Variants in DNHD1 observed in about 807,000 individuals in gnomAD.
DNHD1 encodes the protein dynein heavy chain domain 1, also known as dynein heavy chain domain-containing protein 1.
DNHD1 carries 383 observed loss-of-function variants against 458.1 expected under a neutral mutation model. The observed-to-expected ratio is 0.84, with a 90% CI of 0.77 to 0.91. DNHD1 has a LOEUF of 0.91. Ranked by LOEUF, DNHD1 falls within the 40% of genes least tolerant of loss-of-function variation. The pLI, the probability that DNHD1 is intolerant of heterozygous loss-of-function variation, is 0.00. For missense variants in DNHD1, 5,336 were observed against 5,866.1 expected, an observed-to-expected ratio of 0.91 and a Z score of 2.95; for synonymous variants, 2,203 against 2,376.9, an observed-to-expected ratio of 0.93 and a Z score of 2.13.
rs531607618 is a variant in DNHD1, at chr11:6,548,659, G to A, written c.7113G>A (p.Leu2371=). Residue 2371 remains leucine (L), a synonymous_variant, in exon 24 of 43, where the codon TTG becomes TTA. Coordinates refer to ENST00000254579, the MANE Select transcript of DNHD1 (RefSeq NM_144666.3). The surrounding 1 kb of genome is among the most constrained non-coding windows in gnomAD (Gnocchi z 4.4). Reference sequence around the variant, plus strand: ...CTGTCTTGCAGACTGAACGGCTCTTGTATGTGGTGGACCTGCTTCTGTCAG... The same window carrying A: ...CTGTCTTGCAGACTGAACGGCTCTTATATGTGGTGGACCTGCTTCTGTCAG... The part of the protein sequence containing the change: ...FHPSIQTERL[L]YVVDLLLSGG... The A allele has an allele frequency of 3.9e-6, 6 of 1,551,500 alleles. No homozygotes were observed. Among genetic ancestry groups the A allele is most frequent in the African/African-American group, 2.7e-5 (2 of 73,046 alleles).
intron 7 of DNHD1, among the ~76,000 whole-genome samples, chr11:6,514,884 C>G (rs1852425694): frequency 6.6e-6 from 1 of 152,116 alleles, no homozygotes; most frequent in African/African-American, 2.4e-5. Flanking sequence ...GCTGGGAAGT[C>G]CAAGAGCATC....
In DNHD1 at chr11:6,571,510, G is replaced by GC; in HGVS notation, c.13911+92dup. The GC allele has an allele frequency of 6.8e-7, 1 of 1,466,018 alleles. No homozygotes were observed. The highest frequency in any genetic ancestry group is 9.1e-7 in the Non-Finnish European group (1 of 1,100,352). 90.8% of individuals were successfully genotyped at this position (1,466,018 alleles called of 1,614,324 possible). A position where few individuals can be genotyped will look rare whatever the true frequency, so the allele number is the denominator to read the frequency against. ...GCAGTTACCCCTTCTTGGTGATCTTGCCCCCGGTAACCCTGCTAGCTTCTC... is the reference window on the plus strand; with the variant it reads ...GCAGTTACCCCTTCTTGGTGATCTTGCCCCCCGGTAACCCTGCTAGCTTCTC... On this transcript the variant is annotated intron_variant, in intron 42 of 42. Coordinates refer to ENST00000254579, the MANE Select transcript of DNHD1 (RefSeq NM_144666.3). This position sits in a 1 kb window ranked among gnomAD's most constrained non-coding sequence, Gnocchi z 5.0.
intron 24 of DNHD1, among the ~76,000 whole-genome samples, chr11:6,552,985 A>G (rs573979521): frequency 1.3e-5 from 2 of 152,384 alleles, no homozygotes; most frequent in African/African-American, 2.4e-5. Flanking sequence ...TCAAATATTT[A>G]GAAAAAAAGT....
At position 6,539,875 on chromosome 11, in the gene DNHD1, G is replaced by C; in HGVS notation, c.3421-1G>C. ...TGGTTCCTGAGACCCAGCTGTTCCAGGTCTGGCAGAATGAAAATGAACGAA... is the reference window on the plus strand; with the variant it reads ...TGGTTCCTGAGACCCAGCTGTTCCACGTCTGGCAGAATGAAAATGAACGAA... On this transcript the variant is annotated splice_acceptor_variant, in intron 17 of 42. Transcript: ENST00000254579. LOFTEE classifies it high-confidence loss of function. 1.3e-6 allele frequency: 2 copies of C among 1,551,710 alleles called. No individual in the cohort carries two copies. The highest frequency in any genetic ancestry group is 4.9e-5 in the East Asian group (2 of 40,920).
chr11:6,566,112 A>T, intron 33 of DNHD1, 121 bp downstream of exon 33: 1 of 1,478,444 alleles, frequency 6.8e-7, no homozygotes, highest in Non-Finnish European at 9.1e-7. Context: ...CACTAACTAT[A>T]TTGAAGCGTC....
At chr11:6,538,332 C>G (rs188129988) in intron 14 of DNHD1, 51 bp from the exon 15 acceptor site, 24 of 1,541,120 alleles carry the variant, frequency 1.6e-5, no homozygotes, top group Admixed American at 1.4e-4. Context: ...TCCACCACCC[C>G]CCTCCCAACA....
At position 6,546,439 on chromosome 11, in the gene DNHD1, C is replaced by T. The variant is rs1359685406; in HGVS notation, c.5500C>T (p.Gln1834Ter). 6.4e-7 allele frequency: 1 copy of T among 1,551,318 alleles called. No homozygotes were observed. The highest frequency in any genetic ancestry group is 8.7e-7 in the Non-Finnish European group (1 of 1,147,040). The change falls in exon 21 of 43, where the codon CAA becomes TAA. Residue 1834 changes from glutamine to a stop codon, truncating the protein, a stop_gained. Coordinates refer to ENST00000254579, the MANE Select transcript of DNHD1 (RefSeq NM_144666.3). LOFTEE classifies it high-confidence loss of function. ...GGCATTGGCATTGCCTGATCTGCGG[C>T]AAGTGGCAGAGCTGACTCTGCTGGG... ...PVALALPDLR[Q>*]VAELTLLGAG...
At chr11:6,569,654 A>G (rs1853794837) in intron 39 of DNHD1, among the ~76,000 whole-genome samples, 2 of 152,140 alleles carry the variant, frequency 1.3e-5, no homozygotes, top group Admixed American at 6.5e-5. Context: ...CAAGCAGAGC[A>G]GCTTTAGGAG....
intron 7 of DNHD1, among the ~76,000 whole-genome samples, chr11:6,516,270 G>A (rs996629182): frequency 6.3e-5 from 9 of 143,458 alleles, no homozygotes; most frequent in African/African-American, 2.3e-4. Context: ...ACTCTCTTTT[G>A]TTTTGTCATA....
At chr11:6,504,676 T>C (rs916910279) in intron 4 of DNHD1, among the ~76,000 whole-genome samples, 1 of 152,176 alleles carries the variant, frequency 6.6e-6, no homozygotes, top group Non-Finnish European at 1.5e-5. Flanking sequence ...CTTGAACTCC[T>C]GACCTCAAGT....
chr11:6,550,251 G>A (rs909206529), intron 24 of DNHD1, among the ~76,000 whole-genome samples: 3 of 152,190 alleles, frequency 2.0e-5, no homozygotes, highest in Non-Finnish European at 4.4e-5. Context: ...TAGCTATGAA[G>A]TGTCAGAACC....
chr11:6,539,458 A>C, intron 17 of DNHD1, 145 bp downstream of exon 17: 2 of 649,236 alleles, frequency 3.1e-6, no homozygotes, highest in Admixed American at 5.3e-5. Context: ...CAGTTTCTTT[A>C]AGTCTCCAGA....
In DNHD1 at chr11:6,564,713, G is replaced by C. The variant is rs533358746; in HGVS notation, c.10665G>C (p.Leu3555=). Residue 3555 remains leucine, a synonymous_variant, in exon 32 of 43, where the codon CTG becomes CTC. Transcript: ENST00000254579. The part of the protein sequence containing the change: ...THYSSCRWPL[L]LDPSNEALIW... ...ACAGTAGTTGCCGTTGGCCTCTGCT[G>C]CTTGACCCCAGCAACGAGGCCCTCA... The C allele has an allele frequency of 6.4e-7, 1 of 1,550,640 alleles. No homozygotes were observed. Among genetic ancestry groups the C allele is most frequent in the Non-Finnish European group, 8.7e-7 (1 of 1,146,202 alleles).
At chr11:6,514,297 T>A (rs1025731869) in intron 7 of DNHD1, among the ~76,000 whole-genome samples, 1 of 152,116 alleles carries the variant, frequency 6.6e-6, no homozygotes, top group Non-Finnish European at 1.5e-5. Context: ...GGAGACAGGG[T>A]TTCACCATCT....
intron 7 of DNHD1, among the ~76,000 whole-genome samples, chr11:6,515,779 ATTTTT>A (rs61095437): frequency 0.014 from 1,541 of 108,322 alleles, 22 homozygotes; most frequent in African/African-American, 0.054. Flanking sequence ...CTATAGACAC[ATTTTT>A]TTTTTTTTTT....
At chr11:6,563,247 G>A in intron 29 of DNHD1, 116 bp downstream of exon 29, 1 of 1,521,356 alleles carries the variant, frequency 6.6e-7, no homozygotes, top group South Asian at 1.2e-5. Context: ...CTGGGGGGAG[G>A]GGACAAAGGT....
In DNHD1 at chr11:6,539,949, G is replaced by A. The variant is rs1212085968; in HGVS notation, c.3494G>A (p.Arg1165His). The A allele has an allele frequency of 3.2e-6, 5 of 1,551,612 alleles. No individual in the cohort carries two copies. Among genetic ancestry groups the A allele is most frequent in the East Asian group, 2.4e-5 (1 of 40,934 alleles). Reference sequence around the variant, plus strand: ...CGGTTGCAGCGGTACTGGGAAGCGCGCCAGCTGCGCCTGCTCAACTTCATC... The same window carrying A: ...CGGTTGCAGCGGTACTGGGAAGCGCACCAGCTGCGCCTGCTCAACTTCATC... ...IRRLQRYWEA[R>H]QLRLLNFILH... The change falls in exon 18 of 43, where the codon CGC becomes CAC. Residue 1165 changes from arginine to histidine, a missense_variant. Arg to His is a conservative substitution (Grantham distance 29). This residue lies in a region of DNHD1 where 3,932 missense variants were observed against 4,365.6 expected (regional missense o/e 0.90). Transcript: ENST00000254579.
intron 7 of DNHD1, among the ~76,000 whole-genome samples, chr11:6,515,116 A>G (rs1319480421): frequency 6.6e-6 from 1 of 152,136 alleles, no homozygotes; most frequent in East Asian, 1.9e-4. Context: ...CCTCTTAAAG[A>G]CCCCATCTCT....
rs1852859667 is a variant in DNHD1 at position 6,533,014 on chromosome 11, C to T, written c.2348-13C>T. 1.9e-6 allele frequency: 3 copies of T among 1,551,034 alleles called. No individual in the cohort carries two copies. The highest frequency in any genetic ancestry group is 2.6e-6 in the Non-Finnish European group (3 of 1,146,724). ...TTTATGCGTCCCCTCACACCTTACT[C>T]TCCTGTCTCCAGAATCCAAGCTGAA... On this transcript the variant is annotated splice_polypyrimidine_tract_variant and intron_variant, in intron 12 of 42. Transcript: ENST00000254579.
Sources: allele counts gnomAD v4.1 joint callset (sites outside exome capture counted in the v4.1 genomes callset), GRCh38; gene constraint gnomAD v4.1.1; regional missense constraint gnomAD v4.1.1; non-coding constraint Gnocchi (gnomAD v3.1); transcripts MANE v1.5; gene names NCBI Gene and HGNC (gene_info 2026-07-23, HGNC 2026-07-21).